The following PCDH15 variants were observed in gnomAD, a reference collection of about 807,000 sequenced individuals.
The protein encoded by PCDH15 is protocadherin related 15, also known as protocadherin-15.
PCDH15 carries 129 observed loss-of-function variants against 178.5 expected under a neutral mutation model. That is an observed-to-expected ratio of 0.72 (90% CI 0.63 to 0.84). The LOEUF is 0.84. Ranked by LOEUF, PCDH15 falls within the 40% of genes least tolerant of loss-of-function variation. The pLI is 0.00. For missense variants in PCDH15, 2,230 were observed against 2,099.9 expected (o/e 1.06, Z -1.21); for synonymous variants, 800 against 732.0 (o/e 1.09, Z -1.50).
At chr10:54,151,727 A>G (rs2044556074) in intron 14 of PCDH15, among the ~76,000 whole-genome samples, 1 of 152,186 alleles carries the variant, frequency 6.6e-6, no homozygotes, top group African/African-American at 2.4e-5. Context: ...AACATCAAAC[A>G]TATATAATAT....
At chr10:55,345,572 T>G (rs1844731169) in intron 2 of PCDH15, among the ~76,000 whole-genome samples, 1 of 152,244 alleles carries the variant, frequency 6.6e-6, no homozygotes, top group Non-Finnish European at 1.5e-5. Context: ...AGCTAAAATT[T>G]ACAGTAGTTT....
At chr10:54,044,652 C>T (rs538429000) in intron 18 of PCDH15, among the ~76,000 whole-genome samples, 22 of 152,062 alleles carry the variant, frequency 1.4e-4, no homozygotes, top group Non-Finnish European at 2.2e-4. Context: ...CAAAAAACAA[C>T]GTCAAATAAG....
At chr10:54,390,963 G>A (rs1269358869) in intron 3 of PCDH15, among the ~76,000 whole-genome samples, 1 of 152,142 alleles carries the variant, frequency 6.6e-6, no homozygotes, top group Non-Finnish European at 1.5e-5. Flanking sequence ...AGGGTTGAGA[G>A]TTCCAAGTAT....
intron 3 of PCDH15, among the ~76,000 whole-genome samples, chr10:54,823,252 C>T (rs1953077419): frequency 6.6e-6 from 1 of 151,920 alleles, no homozygotes; most frequent in South Asian, 2.1e-4. Context: ...CACGCATATA[C>T]ATTTAATTTT....
intron 1 of PCDH15, among the ~76,000 whole-genome samples, chr10:54,710,215 G>C (rs1354381680): frequency 6.6e-6 from 1 of 151,798 alleles, no homozygotes; most frequent in Non-Finnish European, 1.5e-5. Context: ...TCAAGTGGAC[G>C]ATCATGCAAT....
At chr10:54,264,031 C>T (rs1462652014) in intron 8 of PCDH15, among the ~76,000 whole-genome samples, 2 of 152,188 alleles carry the variant, frequency 1.3e-5, no homozygotes, top group African/African-American at 4.8e-5. Flanking sequence ...TGTACTTACA[C>T]CAGTGGTTTG....
chr10:55,414,333 C>A (rs974919304), intron 2 of PCDH15, among the ~76,000 whole-genome samples: 3 of 151,334 alleles, frequency 2.0e-5, no homozygotes, highest in African/African-American at 7.3e-5. Flanking sequence ...GTAGTACAAC[C>A]CGATGAAGAG....
intron 2 of PCDH15, among the ~76,000 whole-genome samples, chr10:55,345,757 G>T (rs1336241349): frequency 6.6e-6 from 1 of 150,714 alleles, no homozygotes; most frequent in Non-Finnish European, 1.5e-5. Context: ...TTTATTATTT[G>T]TAATATTCTT....
rs184960864 is a variant in PCDH15 at position 54,637,644 on chromosome 10, T to C, written c.91+26528A>G. Among the ~76,000 whole-genome samples the C allele has an allele frequency of 3.4e-3, 521 of 152,194 alleles. 2 individuals carry two copies. Among genetic ancestry groups the C allele is most frequent in the African/African-American group, 0.012 (501 of 41,556 alleles). On this transcript the variant is annotated intron_variant, in intron 2 of 37. Coordinates refer to ENST00000644397, the MANE Select transcript of PCDH15 (RefSeq NM_001384140.1). ...TTGAGCTTTCCTGTATATTCCAAAA[T>C]AATCTTTTCAGGTCAGCTGACTGGT...
At chr10:53,876,484 C>A (rs1042010202) in intron 26 of PCDH15, among the ~76,000 whole-genome samples, 3 of 152,042 alleles carry the variant, frequency 2.0e-5, no homozygotes, top group Non-Finnish European at 4.4e-5. Context: ...CCGCGCCCGG[C>A]CAACTCTTGT....
At chr10:55,083,532 G>A (rs1842094142) in intron 2 of PCDH15, among the ~76,000 whole-genome samples, 1 of 151,752 alleles carries the variant, frequency 6.6e-6, no homozygotes, top group African/African-American at 2.4e-5. Context: ...GTTCACTATT[G>A]CTATTTCCAT....
chr10:54,103,120 A>T (rs1340434013), intron 15 of PCDH15, among the ~76,000 whole-genome samples: 1 of 152,198 alleles, frequency 6.6e-6, no homozygotes, highest in East Asian at 1.9e-4. Context: ...TGGGTCTGTA[A>T]ACTGGCTCAA....
chr10:54,702,357 CAG>C (rs1245501727), intron 1 of PCDH15, among the ~76,000 whole-genome samples: 6 of 151,544 alleles, frequency 4.0e-5, no homozygotes, highest in Non-Finnish European at 8.9e-5. Flanking sequence ...AACAAAAAAC[CAG>C]AGTCAGATCT....
intron 36 of PCDH15, 63 bp from the exon 37 acceptor site, chr10:53,810,727 G>A (rs965193859): frequency 1.4e-5 from 20 of 1,400,792 alleles, no homozygotes; most frequent in Non-Finnish European, 1.7e-5. Flanking sequence ...TCTACCATGA[G>A]TGATCTGTTT....
At position 53,918,915 on chromosome 10, in the gene PCDH15, T is replaced by C. The variant is rs183229419; in HGVS notation, c.3374-15545A>G. ...GACGTAGCAGGTCTGCATTTCTTTC[T>C]AGAGCCTCTAGGGCTGTATCTGTTT... On this transcript the variant is annotated intron_variant, in intron 25 of 37. Transcript: ENST00000644397. Among the ~76,000 whole-genome samples, 602 of 152,310 alleles carry C rather than the reference T, an allele frequency of 4.0e-3. 3 individuals are homozygous for C. Among genetic ancestry groups the C allele is most frequent in the African/African-American group, 0.014 (574 of 41,572 alleles).
At chr10:54,829,783 A>G (rs1415366674) in intron 3 of PCDH15, among the ~76,000 whole-genome samples, 5 of 152,220 alleles carry the variant, frequency 3.3e-5, no homozygotes, top group South Asian at 2.1e-4. Flanking sequence ...GTCATTATGA[A>G]TAACCCCTGC....
At chr10:55,376,252 T>C (rs1248536419) in intron 2 of PCDH15, among the ~76,000 whole-genome samples, 3 of 152,100 alleles carry the variant, frequency 2.0e-5, no homozygotes, top group Non-Finnish European at 4.4e-5. Context: ...TTTGTGAAGA[T>C]GAATCCAGTT....
intron 7 of PCDH15, 149 bp downstream of exon 7, chr10:54,329,447 T>G: frequency 1.6e-6 from 1 of 623,386 alleles, no homozygotes; most frequent in East Asian, 2.7e-5. Flanking sequence ...TCTCCATCTA[T>G]AAGAGTATTA....
intron 9 of PCDH15, among the ~76,000 whole-genome samples, chr10:54,215,978 G>A (rs947232338): frequency 2.4e-5 from 3 of 122,524 alleles, no homozygotes; most frequent in Non-Finnish European, 3.5e-5. Flanking sequence ...GGGAGGCGGA[G>A]CTTGCAGTGA....
Sources: gnomAD v4.1 joint callset for allele counts (sites outside exome capture counted in the v4.1 genomes callset) on GRCh38, gnomAD v4.1.1 for gene constraint, MANE v1.5 for transcripts, NCBI Gene and HGNC (gene_info 2026-07-23, HGNC 2026-07-21) for gene names.